Variants in AMMECR1 observed in about 807,000 individuals in gnomAD.
AMMECR1 encodes the protein AMMECR nuclear protein 1.
In AMMECR1, 3 loss-of-function variants were observed where a neutral mutation model predicts 22.5. That is an observed-to-expected ratio of 0.13 (90% CI 0.06 to 0.35). The LOEUF (loss-of-function observed/expected upper bound fraction) is 0.35. Among genes scored for constraint, AMMECR1 ranks in the 10% least tolerant of loss-of-function variants. The pLI, the probability that AMMECR1 is intolerant of heterozygous loss-of-function variation, is 1.00. For synonymous variants in AMMECR1, 130 were observed against 116.7 expected (o/e 1.11, Z -0.74); for missense variants, 235 against 278.7 (o/e 0.84, Z 1.12).
At chrX:110,240,894 G>C (rs776362894) in intron 2 of AMMECR1, among the ~76,000 whole-genome samples, 3 of 112,151 alleles carry the variant, frequency 2.7e-5, no homozygotes, top group East Asian at 5.6e-4. Flanking sequence ...CCACACTGCA[G>C]TCAAATTAGA....
chrX:110,354,764 C>T (rs1390496320), intron 2 of AMMECR1, among the ~76,000 whole-genome samples: 1 of 112,083 alleles, frequency 8.9e-6, no homozygotes, highest in Non-Finnish European at 1.9e-5. Context: ...ACAGTCTTTT[C>T]AATAAATGGT....
chrX:110,249,706 C>T (rs1283836819), intron 2 of AMMECR1, among the ~76,000 whole-genome samples: 1 of 111,899 alleles, frequency 8.9e-6, no homozygotes, highest in African/African-American at 3.2e-5. Context: ...TCGAGACTAT[C>T]CTGGCCAACA....
chrX:110,348,955 G>T (rs966090122), intron 2 of AMMECR1, among the ~76,000 whole-genome samples: 1 of 111,803 alleles, frequency 8.9e-6, no homozygotes, highest in Non-Finnish European at 1.9e-5. Context: ...AAAACTAAAA[G>T]CCCCTTATGC....
intron 2 of AMMECR1, among the ~76,000 whole-genome samples, chrX:110,374,731 A>G (rs1341663709): frequency 9.0e-6 from 1 of 111,056 alleles, no homozygotes; most frequent in Non-Finnish European, 1.9e-5. Context: ...GACAGCTTCT[A>G]TGTTTGTGGG....
At chrX:110,250,071 C>T (rs2067679455) in intron 2 of AMMECR1, among the ~76,000 whole-genome samples, 1 of 112,197 alleles carries the variant, frequency 8.9e-6, no homozygotes, top group Non-Finnish European at 1.9e-5. Context: ...TGACACAAGG[C>T]AGATAACTCA....
chrX:110,222,004 T>C, intron 2 of AMMECR1, among the ~76,000 whole-genome samples: 1 of 110,259 alleles, frequency 9.1e-6, no homozygotes, highest in East Asian at 2.9e-4. Flanking sequence ...GGTGGGACTG[T>C]AAACTAGTTC....
At chrX:110,208,343 TTTTC>T (rs766622867) in intron 3 of AMMECR1, among the ~76,000 whole-genome samples, 1 of 112,464 alleles carries the variant, frequency 8.9e-6, no homozygotes, top group Non-Finnish European at 1.9e-5. Context: ...CAGCTGAAGT[TTTTC>T]TTTTTTTCTC....
intron 1 of AMMECR1, among the ~76,000 whole-genome samples, chrX:110,302,923 G>C (rs1477734204): frequency 9.0e-6 from 1 of 110,709 alleles, no homozygotes. Context: ...GAGAGAGAGA[G>C]ATTGACTGAT....
chrX:110,267,769 A>G (rs12689286), intron 1 of AMMECR1, among the ~76,000 whole-genome samples: 2 of 112,210 alleles, frequency 1.8e-5, no homozygotes, highest in Non-Finnish European at 3.8e-5. Context: ...ATATACATAC[A>G]CCATTCTTAC....
chrX:110,374,996 G>C (rs748754680), intron 2 of AMMECR1, among the ~76,000 whole-genome samples: 32 of 111,489 alleles, frequency 2.9e-4, no homozygotes, highest in African/African-American at 1.0e-3. Flanking sequence ...ACTAACCCAG[G>C]AAAGAGCAAG....
chrX:110,259,590 T>C (rs888117119), intron 2 of AMMECR1, among the ~76,000 whole-genome samples: 3 of 109,211 alleles, frequency 2.7e-5, no homozygotes, highest in African/African-American at 1.0e-4. Context: ...ACTTTCTTTT[T>C]CTTTTTTTTT....
chrX:110,384,466 C>T (rs967629754), intron 2 of AMMECR1, among the ~76,000 whole-genome samples: 2 of 111,710 alleles, frequency 1.8e-5, no homozygotes, highest in African/African-American at 6.5e-5. Flanking sequence ...AAACCTAGCA[C>T]ATAATAACAT....
chrX:110,208,750 A>G (rs750079129), intron 3 of AMMECR1, among the ~76,000 whole-genome samples: 5 of 111,798 alleles, frequency 4.5e-5, no homozygotes, highest in African/African-American at 9.7e-5. Flanking sequence ...ACATGTTTAT[A>G]TATCTTTTGC....
rs749891722 is a variant in AMMECR1 at position 110,387,481 on chromosome X, C to T, written c.-148+39177G>A. On this transcript the variant is annotated intron_variant, in intron 2 of 7. Coordinates refer to the AMMECR1 transcript ENST00000372057. ...CTCTGGGACCATGGCCAATGGCAAC[C>T]CTGCTTGCACATGCAGAATTCAGTT... is the stretch of plus-strand genomic sequence containing the variant. Among the ~76,000 whole-genome samples the T allele has an allele frequency of 2.7e-5, 3 of 112,426 alleles. No homozygotes were observed. The South Asian group carries it at 1.1e-3, about 42-fold the overall frequency.
chrX:110,414,153 T>C (rs368746959), intron 2 of AMMECR1, among the ~76,000 whole-genome samples: 31 of 112,635 alleles, frequency 2.8e-4, no homozygotes, highest in East Asian at 2.0e-3. Flanking sequence ...TTTCCTCCTC[T>C]GTGCTTATGC....
At chrX:110,364,467 G>T (rs907254376) in intron 2 of AMMECR1, among the ~76,000 whole-genome samples, 3 of 111,500 alleles carry the variant, frequency 2.7e-5, no homozygotes, top group Non-Finnish European at 5.6e-5. Flanking sequence ...ACTAAAGCAG[G>T]CTGCTCCCAC....
chrX:110,235,854 C>G (rs2067597784), intron 2 of AMMECR1, among the ~76,000 whole-genome samples: 1 of 111,046 alleles, frequency 9.0e-6, no homozygotes, highest in Admixed American at 9.5e-5. Flanking sequence ...ACGAGAAATA[C>G]CTAATGCAAA....
intron 2 of AMMECR1, among the ~76,000 whole-genome samples, chrX:110,336,961 T>G (rs976141132): frequency 1.2e-4 from 13 of 111,239 alleles, no homozygotes. Flanking sequence ...TATACACAGA[T>G]GGAAATATTG....
At chrX:110,394,404 A>G (rs771329314) in intron 2 of AMMECR1, among the ~76,000 whole-genome samples, 43 of 111,466 alleles carry the variant, frequency 3.9e-4, no homozygotes, top group Non-Finnish European at 7.2e-4. Context: ...GACGTGTGCC[A>G]CCATGCCTGG....
Sources: gnomAD v4.1 joint callset for allele counts (sites outside exome capture counted in the v4.1 genomes callset) on GRCh38, gnomAD v4.1.1 for gene constraint, MANE v1.5 for transcripts, NCBI Gene and HGNC (gene_info 2026-07-23, HGNC 2026-07-21) for gene names.